The following ATAD2 variants were observed in gnomAD, a reference collection of about 807,000 sequenced individuals.
ATAD2 encodes the protein ATPase family AAA domain-containing protein 2.
A neutral mutation model predicts 168.9 loss-of-function variants in ATAD2; 62 were observed. The ratio of observed to expected loss-of-function variants is 0.37; its 90% CI spans 0.30 to 0.45. The LOEUF is 0.45. Among genes scored for constraint, ATAD2 ranks in the 20% least tolerant of loss-of-function variants. ATAD2 has a pLI of 1.00. For synonymous variants in ATAD2, 613 were observed against 571.6 expected (o/e 1.07, Z -1.03); for missense variants, 1,419 against 1,667.8 (o/e 0.85, Z 2.60).
chr8:123,354,047 T>C (rs1168241340), intron 13 of ATAD2, among the ~76,000 whole-genome samples: 1 of 152,118 alleles, frequency 6.6e-6, no homozygotes, highest in Non-Finnish European at 1.5e-5. Context: ...GGCAGGAGAA[T>C]TGCTTGAACT....
chr8:123,413,984 T>G (rs1813201505), intron 1 of ATAD2, among the ~76,000 whole-genome samples: 1 of 147,530 alleles, frequency 6.8e-6, no homozygotes, highest in South Asian at 2.1e-4. Context: ...AAACCTCACC[T>G]CCACAAGAAA....
At chr8:123,337,552 A>C in intron 21 of ATAD2, 73 bp downstream of exon 21, 1 of 1,389,046 alleles carries the variant, frequency 7.2e-7, no homozygotes, top group Non-Finnish European at 9.7e-7. Context: ...GAACCACATA[A>C]ACTCTTCAAA....
intron 13 of ATAD2, among the ~76,000 whole-genome samples, chr8:123,354,848 AAAAAAAAAAAAAAAAAATAT>A (rs1266630232): frequency 8.6e-6 from 1 of 116,630 alleles, no homozygotes; most frequent in East Asian, 2.2e-4. Context: ...AAAAAAAAAA[AAAAAAAAAAAAAAAAAATAT>A]ATATATATAT....
intron 17 of ATAD2, 104 bp downstream of exon 17, chr8:123,346,510 TTAAA>T: frequency 8.6e-7 from 1 of 1,169,470 alleles, no homozygotes; most frequent in Non-Finnish European, 1.2e-6. Context: ...GTAGTTTAAT[TTAAA>T]TAAAAAGCAG....
chr8:123,394,641 A>G (rs1276603631), intron 1 of ATAD2, among the ~76,000 whole-genome samples: 1 of 152,194 alleles, frequency 6.6e-6, no homozygotes, highest in Admixed American at 6.6e-5. Context: ...TCTCGAAGAA[A>G]AAAAAAAGAG....
intron 13 of ATAD2, chr8:123,352,532 G>A (rs1828501056): frequency 1.3e-5 from 2 of 152,340 alleles, no homozygotes; most frequent in East Asian, 3.9e-4. Context: ...AAAACTTCAA[G>A]GTGATCGAAT....
intron 8 of ATAD2, 37 bp from the exon 9 acceptor site, chr8:123,361,683 A>C (rs758668548): frequency 1.3e-6 from 2 of 1,534,568 alleles, no homozygotes; most frequent in Admixed American, 3.4e-5. Context: ...ATGATAAGGA[A>C]GGGCAGGAAA....
At chr8:123,356,109 TAG>T (rs1563847651) in intron 13 of ATAD2, 2 of 167,398 alleles carry the variant, frequency 1.2e-5, no homozygotes, top group Non-Finnish European at 2.6e-5. Flanking sequence ...TTTTTTTTTT[TAG>T]TAGAGACAGG....
At chr8:123,369,713 A>T in intron 7 of ATAD2, 108 bp downstream of exon 7, 1 of 1,001,698 alleles carries the variant, frequency 1.0e-6, no homozygotes, top group Non-Finnish European at 1.5e-6. Context: ...AGTATTCAAC[A>T]AAATGAAAAT....
At chr8:123,405,429 T>TC (rs1813056131) in intron 1 of ATAD2, among the ~76,000 whole-genome samples, 2 of 150,890 alleles carry the variant, frequency 1.3e-5, no homozygotes, top group East Asian at 2.0e-4. Context: ...GCTTTTTTTT[T>TC]TTCTTTGTAT....
At position 123,336,390 on chromosome 8, in the gene ATAD2, G is replaced by T; in HGVS notation, c.3194C>A (p.Pro1065Gln). The change falls in exon 22 of 28, where the codon CCA (proline) becomes CAA (glutamine). Residue 1065 changes from proline to glutamine, a missense_variant. Physicochemically the swap from Pro to Gln is moderately conservative, Grantham distance 76. This residue lies in a region of ATAD2 where 545 missense variants were observed against 724.9 expected (regional missense o/e 0.75). Coordinates refer to ENST00000287394, the MANE Select transcript of ATAD2 (RefSeq NM_014109.4). Reference protein sequence around the residue: ...LICSNALEYNPDRDPGDRLIR... With the variant: ...LICSNALEYNQDRDPGDRLIR... ...ATGCTCACCTCCAGGATCTCTATCT[G>T]GATTGTATTCTAAGGCATTACTACA... The T allele has an allele frequency of 6.3e-7, 1 of 1,579,868 alleles. No individual in the cohort carries two copies. The highest frequency in any genetic ancestry group is 1.2e-5 in the South Asian group (1 of 83,922).
intron 22 of ATAD2, 71 bp from the exon 23 acceptor site, chr8:123,334,393 T>A: frequency 1.1e-5 from 15 of 1,344,606 alleles, no homozygotes; most frequent in Non-Finnish European, 1.5e-5. Context: ...AAACTCAGCA[T>A]ATTAGGCTAA....
chr8:123,356,094 A>AT (rs34496557), intron 13 of ATAD2: 4,068 of 149,284 alleles, frequency 0.027, 145 homozygotes, highest in African/African-American at 0.087. Context: ...CACCCGGCTA[A>AT]TTTTTTTTTT....
At chr8:123,393,526 A>G (rs1812690434) in intron 1 of ATAD2, among the ~76,000 whole-genome samples, 1 of 152,048 alleles carries the variant, frequency 6.6e-6, no homozygotes, top group Non-Finnish European at 1.5e-5. Context: ...AAATAAATGC[A>G]TAAATAAAGA....
intron 13 of ATAD2, among the ~76,000 whole-genome samples, chr8:123,349,648 G>A (rs187798380): frequency 4.6e-5 from 7 of 152,078 alleles, no homozygotes; most frequent in South Asian, 2.1e-4. Context: ...GAAAACAGAC[G>A]GTTGTTAGAC....
At chr8:123,354,884 T>C (rs1209724034) in intron 13 of ATAD2, among the ~76,000 whole-genome samples, 12 of 129,632 alleles carry the variant, frequency 9.3e-5, no homozygotes, top group Non-Finnish European at 1.7e-4. Context: ...TATATATATA[T>C]ATATTTGAGA....
chr8:123,373,892 A>C (rs1829231380), intron 2 of ATAD2, among the ~76,000 whole-genome samples: 1 of 151,982 alleles, frequency 6.6e-6, no homozygotes. Flanking sequence ...CTGTTAATCA[A>C]CCTATGTATC....
intron 24 of ATAD2, among the ~76,000 whole-genome samples, chr8:123,329,311 C>T (rs767408258): frequency 1.3e-5 from 2 of 152,088 alleles, no homozygotes; most frequent in Non-Finnish European, 2.9e-5. Flanking sequence ...TGGCTATACA[C>T]AAGCACAATC....
intron 26 of ATAD2, among the ~76,000 whole-genome samples, chr8:123,323,766 C>T (rs1299108902): frequency 6.6e-6 from 1 of 152,088 alleles, no homozygotes; most frequent in African/African-American, 2.4e-5. Context: ...CAACTACATC[C>T]TTTATACAAA....
Sources: allele counts gnomAD v4.1 joint callset (sites outside exome capture counted in the v4.1 genomes callset), GRCh38; gene constraint gnomAD v4.1.1; regional missense constraint gnomAD v4.1.1; transcripts MANE v1.5; gene names NCBI Gene and HGNC (gene_info 2026-07-23, HGNC 2026-07-21).